AHI1: variants seen among roughly 807,000 people sequenced by gnomAD.
AHI1 encodes the protein jouberin.
AHI1 carries 123 observed loss-of-function variants against 149.3 expected under a neutral mutation model. The ratio of observed to expected loss-of-function variants is 0.82; its 90% confidence interval spans 0.71 to 0.96. The LOEUF is 0.96. Ranked by LOEUF, AHI1 falls within the 40% of genes least tolerant of loss-of-function variation. The pLI, the probability that AHI1 is intolerant of heterozygous loss-of-function variation, is 0.00. For synonymous variants in AHI1, 475 were observed against 459.8 expected, an observed-to-expected ratio of 1.03 and a Z score of -0.42; for missense variants, 1,439 against 1,422.7, an observed-to-expected ratio of 1.01 and a Z score of -0.18.
chr6:135,463,683 T>C (rs1226729723), intron 7 of AHI1, among the ~76,000 whole-genome samples: 1 of 152,208 alleles, frequency 6.6e-6, no homozygotes, highest in Non-Finnish European at 1.5e-5. Context: ...TATTTAAAGG[T>C]ATAAAAAGTA....
At chr6:135,360,842 T>C (rs1793751707) in intron 23 of AHI1, among the ~76,000 whole-genome samples, 1 of 152,202 alleles carries the variant, frequency 6.6e-6, no homozygotes, top group South Asian at 2.1e-4. Context: ...AAAAAAATTA[T>C]AAAAGCAGTC....
chr6:135,358,254 T>C (rs1793301897), intron 23 of AHI1, 67 bp from the exon 24 acceptor site: 22 of 1,360,112 alleles, frequency 1.6e-5, no homozygotes, highest in Non-Finnish European at 2.3e-5. Context: ...AAAATATTCA[T>C]GCCATTTTAT....
intron 24 of AHI1, among the ~76,000 whole-genome samples, chr6:135,353,291 T>A (rs777547806): frequency 6.6e-6 from 1 of 152,140 alleles, no homozygotes; most frequent in Non-Finnish European, 1.5e-5. Context: ...TAAAAGCTTA[T>A]AGTTTATCAG....
intron 26 of AHI1, among the ~76,000 whole-genome samples, chr6:135,318,079 G>A (rs532351135): frequency 6.6e-6 from 1 of 152,276 alleles, no homozygotes; most frequent in African/African-American, 2.4e-5. Context: ...TCATTTTAAC[G>A]TAAAAACATT....
chr6:135,480,212 T>C (rs1011432070), intron 5 of AHI1, among the ~76,000 whole-genome samples: 1 of 152,302 alleles, frequency 6.6e-6, no homozygotes, highest in South Asian at 2.1e-4. Flanking sequence ...GTAATTGCAC[T>C]TTGGGAACAC....
chr6:135,302,141 G>A (rs759203173), intron 26 of AHI1: 5 of 984,892 alleles, frequency 5.1e-6, no homozygotes, highest in South Asian at 9.4e-5. Flanking sequence ...ACAGGTGTGC[G>A]CCTCCATGTC....
At chr6:135,314,040 T>C (rs1336277798) in intron 26 of AHI1, among the ~76,000 whole-genome samples, 4 of 152,250 alleles carry the variant, frequency 2.6e-5, no homozygotes, top group Non-Finnish European at 5.9e-5. Context: ...ACCAATGTTA[T>C]AAATGCTTCC....
intron 5 of AHI1, among the ~76,000 whole-genome samples, chr6:135,482,893 G>GTTTTTTT (rs1491384083): frequency 1.7e-4 from 1 of 5,790 alleles, no homozygotes; most frequent in African/African-American, 7.0e-4. Flanking sequence ...TCCATTTAAG[G>GTTTTTTT]CTTTTTTTTT....
At chr6:135,337,478 G>A (rs1789568500) in intron 24 of AHI1, among the ~76,000 whole-genome samples, 1 of 151,994 alleles carries the variant, frequency 6.6e-6, no homozygotes, top group Non-Finnish European at 1.5e-5. Context: ...CTGTGAAGAG[G>A]CCAAGTGCAG....
At chr6:135,438,219 A>G (rs903469387) in intron 15 of AHI1, among the ~76,000 whole-genome samples, 156 bp downstream of exon 15, 3 of 152,246 alleles carry the variant, frequency 2.0e-5, no homozygotes, top group African/African-American at 7.2e-5. Flanking sequence ...AAGTGTTACT[A>G]TAATTTATGG....
chr6:135,482,466 ACT>A (rs1793805169), intron 5 of AHI1, among the ~76,000 whole-genome samples: 1 of 149,162 alleles, frequency 6.7e-6, no homozygotes, highest in Admixed American at 6.7e-5. Context: ...CCAGCCCACC[ACT>A]GTTTTTTTTT....
intron 5 of AHI1, among the ~76,000 whole-genome samples, chr6:135,470,188 A>G (rs1791465199): frequency 1.3e-5 from 2 of 152,238 alleles, no homozygotes; most frequent in African/African-American, 4.8e-5. Flanking sequence ...AAAAGAAGAC[A>G]TTTATGGGGC....
At chr6:135,357,664 T>C (rs929518938) in intron 24 of AHI1, among the ~76,000 whole-genome samples, 5 of 152,218 alleles carry the variant, frequency 3.3e-5, no homozygotes, top group Non-Finnish European at 7.4e-5. Flanking sequence ...CACACAAATA[T>C]CATATTCAGA....
chr6:135,386,968 C>T (rs563445134), intron 23 of AHI1, among the ~76,000 whole-genome samples: 2 of 152,038 alleles, frequency 1.3e-5, no homozygotes, highest in Admixed American at 6.6e-5. Flanking sequence ...TGCTCTGTCT[C>T]GACCTCCAGG....
At chr6:135,444,089 C>T (rs1169342429) in intron 13 of AHI1, among the ~76,000 whole-genome samples, 1 of 152,116 alleles carries the variant, frequency 6.6e-6, no homozygotes, top group African/African-American at 2.4e-5. Context: ...AATAAAGGTC[C>T]TCAAAAGCCT....
intron 23 of AHI1, among the ~76,000 whole-genome samples, chr6:135,390,406 T>C (rs546231621): frequency 1.1e-4 from 16 of 152,330 alleles, no homozygotes; most frequent in African/African-American, 3.8e-4. Flanking sequence ...AGAGTTATAC[T>C]GTTTATATTA....
At chr6:135,352,844 A>G (rs548428987) in intron 24 of AHI1, among the ~76,000 whole-genome samples, 16 of 144,614 alleles carry the variant, frequency 1.1e-4, no homozygotes, top group African/African-American at 4.1e-4. Flanking sequence ...TACTTTTCCC[A>G]TAGTATTTCC....
chr6:135,443,466 T>G (rs1034133686), intron 13 of AHI1, among the ~76,000 whole-genome samples: 3 of 152,216 alleles, frequency 2.0e-5, no homozygotes, highest in African/African-American at 7.2e-5. Context: ...TCATGAAAGT[T>G]GTACTTTATT....
chr6:135,360,257 G>A (rs957576086), intron 23 of AHI1, among the ~76,000 whole-genome samples: 4 of 152,032 alleles, frequency 2.6e-5, no homozygotes, highest in African/African-American at 9.7e-5. Flanking sequence ...ACTTAGCTAG[G>A]CCATGGTACC....
Sources: gnomAD v4.1 joint callset for allele counts (sites outside exome capture counted in the v4.1 genomes callset) on GRCh38, gnomAD v4.1.1 for gene constraint, MANE v1.5 for transcripts, NCBI Gene and HGNC (gene_info 2026-07-23, HGNC 2026-07-21) for gene names.